The following RYR2 variants were observed in gnomAD, a reference collection of about 807,000 sequenced individuals.
The protein encoded by RYR2 is ryanodine receptor 2, also known as cardiac muscle ryanodine receptor-calcium release channel.
Under a neutral mutation model 601.1 loss-of-function variants are expected in RYR2, and 227 were observed. That is an observed-to-expected ratio of 0.38 (90% CI 0.34 to 0.42). The LOEUF is 0.42. Among genes scored for constraint, RYR2 ranks in the 10% least tolerant of loss-of-function variants. The pLI is 1.00. For missense variants in RYR2, 4,646 were observed against 6,156.5 expected, an observed-to-expected ratio of 0.75 and a Z score of 8.21; for synonymous variants, 2,223 against 2,175.1, an observed-to-expected ratio of 1.02 and a Z score of -0.61.
chr1:237,113,870 A>G (rs1669768872), intron 1 of RYR2, among the ~76,000 whole-genome samples: 1 of 152,206 alleles, frequency 6.6e-6, no homozygotes, highest in Non-Finnish European at 1.5e-5. Context: ...TGTAGCACTG[A>G]ACTTTTCTTT....
intron 54 of RYR2, among the ~76,000 whole-genome samples, chr1:237,658,351 G>A (rs1413940571): frequency 1.3e-5 from 2 of 151,968 alleles, no homozygotes; most frequent in Admixed American, 6.6e-5. Flanking sequence ...TGATGACTCC[G>A]GGTTCAGAAT....
chr1:237,498,573 T>C (rs55820529), intron 20 of RYR2, among the ~76,000 whole-genome samples: 2 of 150,644 alleles, frequency 1.3e-5, no homozygotes, highest in Non-Finnish European at 3.0e-5. Context: ...AGAGATTAGA[T>C]GAAAAAAAAA....
At chr1:237,184,877 G>GTT (rs397974914) in intron 1 of RYR2, among the ~76,000 whole-genome samples, 1,660 of 142,532 alleles carry the variant, frequency 0.012, 29 homozygotes, top group South Asian at 0.034. Flanking sequence ...TGTGAAGAGG[G>GTT]TTTTTTTTTT....
chr1:237,101,821 C>G (rs930038418), intron 1 of RYR2, among the ~76,000 whole-genome samples: 1 of 152,168 alleles, frequency 6.6e-6, no homozygotes, highest in Admixed American at 6.5e-5. Flanking sequence ...CTGTTTTTCA[C>G]TTTTTCAGTC....
chr1:237,425,533 C>T (rs1706064967), intron 12 of RYR2, among the ~76,000 whole-genome samples: 1 of 151,960 alleles, frequency 6.6e-6, no homozygotes, highest in South Asian at 2.1e-4. Context: ...ACTCGGGAAG[C>T]TGAGGCAGGA....
rs151019142 is a variant in RYR2 at position 237,289,475 on chromosome 1, C to T, written c.168+18859C>T. Among the ~76,000 whole-genome samples, 523 of 152,248 alleles carry T rather than the reference C, an allele frequency of 3.4e-3. 2 individuals are homozygous for T. The highest frequency in any genetic ancestry group is 0.012 in the African/African-American group (492 of 41,544). ...AACTTAGAATCATAGCAGAAGGGGA[C>T]GCAAACACGTCCTTCTTCACATGAT... On this transcript the variant is annotated intron_variant, in intron 2 of 104. Transcript: ENST00000366574.
chr1:237,471,746 A>G (rs1010311154), intron 17 of RYR2, among the ~76,000 whole-genome samples: 25 of 152,230 alleles, frequency 1.6e-4, no homozygotes, highest in Non-Finnish European at 2.6e-4. Flanking sequence ...CATCAGATAC[A>G]AATTATTATT....
chr1:237,652,917 T>TTG (rs1413163200), intron 51 of RYR2, among the ~76,000 whole-genome samples: 2 of 152,132 alleles, frequency 1.3e-5, no homozygotes, highest in African/African-American at 4.8e-5. Context: ...AGTAAATGAG[T>TTG]TGTAATATTT....
chr1:237,316,243 T>A (rs747951473), intron 2 of RYR2, among the ~76,000 whole-genome samples: 9 of 152,242 alleles, frequency 5.9e-5, no homozygotes, highest in Non-Finnish European at 1.3e-4. Flanking sequence ...CTTTAGGACA[T>A]TGATGCTTTA....
Position 237,784,964 on chromosome 1 carries a change from A to G in RYR2, c.13252A>G (p.Lys4418Glu), listed in dbSNP as rs1029442866. The change falls in exon 90 of 105, where the codon AAA (lysine) becomes GAA (glutamate). Residue 4418 changes from lysine to glutamate, a missense_variant. By Grantham distance (56) the Lys-to-Glu change is moderately conservative. Transcript: ENST00000366574. This position sits in a 1 kb window ranked among gnomAD's most constrained non-coding sequence, Gnocchi z 7.1. The part of the protein sequence containing the change: ...NPVPMPEVQE[K>E]FQEQKAKEEE... ...AGTCCCCATGCCTGAGGTGCAGGAA[A>G]AATTTCAGGTAATTTATCTCTAAGT... The G allele has an allele frequency of 3.8e-6, 6 of 1,583,718 alleles. No homozygotes were observed. The highest frequency in any genetic ancestry group is 3.4e-5 in the South Asian group (3 of 87,294).
chr1:237,707,302 A>T (rs762931970), intron 68 of RYR2, 33 bp downstream of exon 68: 43 of 1,132,010 alleles, frequency 3.8e-5, no homozygotes, highest in Non-Finnish European at 4.8e-5. Flanking sequence ...GTACCCCTGA[A>T]ATCTGTTTTA....
At chr1:237,372,417 T>G (rs12073854) in intron 6 of RYR2, among the ~76,000 whole-genome samples, 34,735 of 152,124 alleles carry the variant, frequency 0.23, 4,516 homozygotes, top group East Asian at 0.43. Flanking sequence ...AATTGTGAAA[T>G]GCTGAAGCCA....
chr1:237,285,961 C>A (rs1233869824), intron 2 of RYR2, among the ~76,000 whole-genome samples: 1 of 152,066 alleles, frequency 6.6e-6, no homozygotes, highest in Admixed American at 6.6e-5. Context: ...TTTTAGTTAT[C>A]TTTTCAAAGA....
At chr1:237,337,038 G>T (rs1697309610) in intron 3 of RYR2, among the ~76,000 whole-genome samples, 1 of 151,946 alleles carries the variant, frequency 6.6e-6, no homozygotes. Flanking sequence ...ATCACTTGAG[G>T]TCAGGAATTC....
intron 1 of RYR2, among the ~76,000 whole-genome samples, chr1:237,172,957 T>G (rs1224647554): frequency 6.6e-6 from 1 of 152,184 alleles, no homozygotes; most frequent in Non-Finnish European, 1.5e-5. Flanking sequence ...CAGAACTTGT[T>G]TTTAGAGAGA....
chr1:237,730,169 T>G (rs1203469363), intron 76 of RYR2, 91 bp from the exon 77 acceptor site: 2 of 736,124 alleles, frequency 2.7e-6, no homozygotes, highest in South Asian at 3.0e-5. Flanking sequence ...ACACTTTCAG[T>G]GCACAGATAA....
At chr1:237,141,175 A>G (rs1673350630) in intron 1 of RYR2, among the ~76,000 whole-genome samples, 1 of 152,206 alleles carries the variant, frequency 6.6e-6, no homozygotes. Context: ...TGTAGCTGCT[A>G]GAATTTCTAG....
At chr1:237,632,389 CTTTTT>C (rs11448751) in intron 42 of RYR2, among the ~76,000 whole-genome samples, 8 of 127,452 alleles carry the variant, frequency 6.3e-5, no homozygotes, top group African/African-American at 2.0e-4. Context: ...AAAGTGAATT[CTTTTT>C]TTTTTTTTTT....
At chr1:237,159,066 G>A (rs1369123679) in intron 1 of RYR2, among the ~76,000 whole-genome samples, 1 of 152,188 alleles carries the variant, frequency 6.6e-6, no homozygotes, top group Non-Finnish European at 1.5e-5. Flanking sequence ...GCCGAGGCGG[G>A]CGGATCACCT....
Sources: allele counts gnomAD v4.1 joint callset (sites outside exome capture counted in the v4.1 genomes callset), GRCh38; gene constraint gnomAD v4.1.1; non-coding constraint Gnocchi (gnomAD v3.1); transcripts MANE v1.5; gene names NCBI Gene and HGNC (gene_info 2026-07-23, HGNC 2026-07-21).